The following TBC1D4 variants were observed in gnomAD, a reference collection of about 807,000 sequenced individuals.
TBC1D4 encodes the protein TBC1 domain family member 4.
A neutral mutation model predicts 142.5 loss-of-function variants in TBC1D4; 121 were observed. The observed-to-expected ratio is 0.85, with a 90% confidence interval of 0.73 to 0.99. The LOEUF is 0.99. Among genes scored for constraint, TBC1D4 ranks in the 50% least tolerant of loss-of-function variants. TBC1D4 has a pLI of 0.00. For missense variants in TBC1D4, 1,475 were observed against 1,606.6 expected (o/e 0.92, Z 1.40); for synonymous variants, 630 against 628.2 (o/e 1.00, Z -0.04).
intron 15 of TBC1D4, among the ~76,000 whole-genome samples, chr13:75,304,696 C>T (rs767128416): frequency 9.9e-5 from 15 of 151,610 alleles, no homozygotes; most frequent in Non-Finnish European, 1.6e-4. Context: ...GAGAGGACCG[C>T]ATAAAGGCCC....
intron 2 of TBC1D4, among the ~76,000 whole-genome samples, chr13:75,360,976 TA>T (rs34725777): frequency 6.6e-6 from 1 of 152,150 alleles, no homozygotes; most frequent in Non-Finnish European, 1.5e-5. Flanking sequence ...AAAATAGGTT[TA>T]AAAAAGACAG....
intron 11 of TBC1D4, among the ~76,000 whole-genome samples, chr13:75,323,699 A>G (rs724543): frequency 0.32 from 48,225 of 152,036 alleles, 8,831 homozygotes; most frequent in Non-Finnish European, 0.42. Flanking sequence ...GTTGCTATCC[A>G]TATGATCTTG....
chr13:75,433,995 A>G (rs1886690138), intron 1 of TBC1D4, among the ~76,000 whole-genome samples: 1 of 152,220 alleles, frequency 6.6e-6, no homozygotes, highest in Admixed American at 6.5e-5. Flanking sequence ...GGCTATTACT[A>G]AAAGTCAAAA....
At chr13:75,356,347 T>A in intron 3 of TBC1D4, 96 bp from the exon 4 acceptor site, 1 of 856,252 alleles carries the variant, frequency 1.2e-6, no homozygotes, top group Non-Finnish European at 1.9e-6. Context: ...GCTTTCACAG[T>A]TCTACGAATT....
intron 1 of TBC1D4, among the ~76,000 whole-genome samples, chr13:75,404,788 C>T (rs1171160330): frequency 6.6e-6 from 1 of 151,880 alleles, no homozygotes; most frequent in Non-Finnish European, 1.5e-5. Flanking sequence ...AAATTAAACA[C>T]CTAAAGGAAA....
intron 1 of TBC1D4, among the ~76,000 whole-genome samples, chr13:75,412,256 T>C (rs1260965403): frequency 6.6e-6 from 1 of 152,114 alleles, no homozygotes; most frequent in Non-Finnish European, 1.5e-5. Context: ...AATGCACAGA[T>C]GGCCTAAAAG....
chr13:75,478,442 G>A (rs1888705394), intron 1 of TBC1D4, among the ~76,000 whole-genome samples: 1 of 152,218 alleles, frequency 6.6e-6, no homozygotes, highest in Non-Finnish European at 1.5e-5. Flanking sequence ...GTTAGGGGAT[G>A]TTTGCAGGTC....
intron 1 of TBC1D4, among the ~76,000 whole-genome samples, chr13:75,478,488 T>G (rs533310686): frequency 6.6e-6 from 1 of 152,334 alleles, no homozygotes; most frequent in East Asian, 1.9e-4. Context: ...CTTTATAGAC[T>G]CTGTCGAGGA....
At chr13:75,351,812 C>T (rs184330708) in intron 4 of TBC1D4, among the ~76,000 whole-genome samples, 267 of 152,062 alleles carry the variant, frequency 1.8e-3, no homozygotes, top group Non-Finnish European at 2.9e-3. Context: ...TCTAATCTAC[C>T]GTTGTTGGAC....
At chr13:75,318,020 T>C (rs1429736396) in intron 12 of TBC1D4, among the ~76,000 whole-genome samples, 1 of 152,210 alleles carries the variant, frequency 6.6e-6, no homozygotes, top group East Asian at 1.9e-4. Context: ...GCAGTTATAG[T>C]CTTCACCAGA....
chr13:75,437,781 C>T (rs1886862882), intron 1 of TBC1D4, among the ~76,000 whole-genome samples: 1 of 152,228 alleles, frequency 6.6e-6, no homozygotes, highest in South Asian at 2.1e-4. Context: ...CTCTATAAAA[C>T]AGAGCAAGCT....
chr13:75,294,912 G>C lies in TBC1D4; in HGVS notation c.3258C>G (p.Pro1086=), dbSNP rs1875736537. ...NEISPSLYAA[P]WFLTLFASQF... is the part of the protein sequence containing the mutation. ...GAGAGGCAAACAATGTGAGGAACCAGGGGGCAGCATAAAGACTGGGGCTGA... is the reference window on the plus strand; with the variant it reads ...GAGAGGCAAACAATGTGAGGAACCACGGGGCAGCATAAAGACTGGGGCTGA... The change falls in exon 18 of 21, where the codon CCC becomes CCG. Residue 1086 remains proline, a synonymous_variant. Transcript: ENST00000377636. The C allele has an allele frequency of 1.2e-6, 2 of 1,614,000 alleles. No homozygotes were observed. Among genetic ancestry groups the C allele is most frequent in the Non-Finnish European group, 1.7e-6 (2 of 1,179,906 alleles).
intron 1 of TBC1D4, among the ~76,000 whole-genome samples, chr13:75,399,999 C>T (rs1000316694): frequency 2.0e-5 from 3 of 152,074 alleles, no homozygotes; most frequent in Admixed American, 6.6e-5. Flanking sequence ...CAAGGTCAGC[C>T]GAGGCACCAC....
intron 1 of TBC1D4, among the ~76,000 whole-genome samples, chr13:75,474,676 G>C (rs371381736): frequency 9.9e-6 from 1 of 100,806 alleles, no homozygotes; most frequent in Non-Finnish European, 2.2e-5. Context: ...TCACTTTGTC[G>C]CCCAAGCTAA....
At chr13:75,294,341 G>A (rs1183840351) in intron 18 of TBC1D4, among the ~76,000 whole-genome samples, 1 of 152,178 alleles carries the variant, frequency 6.6e-6, no homozygotes, top group Non-Finnish European at 1.5e-5. Context: ...CCCCAGCACT[G>A]CATTGGCATG....
rs913459723 is a variant in TBC1D4, at chr13:75,311,912, T to C, written c.2383+826A>G. ...GGCGAAGTTCTCTATAAATATTAGG[T>C]CAAGCTTATTTATTTGTGTTACTCA... is the stretch of plus-strand genomic sequence containing the variant. On this transcript the variant is annotated intron_variant, in intron 13 of 20. Coordinates refer to ENST00000377636, the MANE Select transcript of TBC1D4 (RefSeq NM_014832.5). Among the ~76,000 whole-genome samples the C allele has an allele frequency of 3.9e-5, 6 of 152,182 alleles. No individual in the cohort carries two copies. In the East Asian group the frequency reaches 1.2e-3, roughly 29 times the overall value.
At chr13:75,389,567 T>C (rs573783070) in intron 1 of TBC1D4, among the ~76,000 whole-genome samples, 111 of 152,320 alleles carry the variant, frequency 7.3e-4, no homozygotes, top group Non-Finnish European at 1.3e-3. Context: ...TTTTTGTTAT[T>C]TTTTAATGAC....
At chr13:75,377,094 T>C (rs1488888417) in intron 1 of TBC1D4, among the ~76,000 whole-genome samples, 4 of 152,220 alleles carry the variant, frequency 2.6e-5, no homozygotes, top group Non-Finnish European at 4.4e-5. Flanking sequence ...ATTCAAAGTG[T>C]GAACATCAAG....
intron 1 of TBC1D4, among the ~76,000 whole-genome samples, chr13:75,419,695 C>T (rs1248482334): frequency 6.6e-6 from 1 of 152,180 alleles, no homozygotes; most frequent in Non-Finnish European, 1.5e-5. Context: ...TGTGGTCTCC[C>T]AGTCACCTCC....
Sources: gnomAD v4.1 joint callset for allele counts (sites outside exome capture counted in the v4.1 genomes callset) on GRCh38, gnomAD v4.1.1 for gene constraint, MANE v1.5 for transcripts, NCBI Gene and HGNC (gene_info 2026-07-23, HGNC 2026-07-21) for gene names.